Variants in SLC23A2 observed in about 807,000 individuals in gnomAD.
The protein encoded by SLC23A2 is Na(+)/L-ascorbic acid transporter 2.
In SLC23A2, 36 loss-of-function variants were observed where a neutral mutation model predicts 73.3. The observed-to-expected ratio is 0.49, with a 90% CI of 0.38 to 0.65. The LOEUF is 0.65. Among genes scored for constraint, SLC23A2 ranks in the 30% least tolerant of loss-of-function variants. The pLI is 0.00. For synonymous variants in SLC23A2, 343 were observed against 327.3 expected (o/e 1.05, Z -0.52); for missense variants, 507 against 841.6 (o/e 0.60, Z 4.92).
intron 6 of SLC23A2, among the ~76,000 whole-genome samples, chr20:4,893,886 A>G (rs1423983457): frequency 6.6e-6 from 1 of 152,144 alleles, no homozygotes; most frequent in Non-Finnish European, 1.5e-5. Context: ...CAGATGCCGT[A>G]AGACTCTCCT....
intron 4 of SLC23A2, among the ~76,000 whole-genome samples, chr20:4,908,695 G>A (rs1051672645): frequency 6.6e-6 from 1 of 152,156 alleles, no homozygotes; most frequent in Non-Finnish European, 1.5e-5. Flanking sequence ...TTGGGAGGCC[G>A]AAGCAGGTAG....
intron 3 of SLC23A2, among the ~76,000 whole-genome samples, chr20:4,927,121 C>A (rs781261370): frequency 2.0e-5 from 3 of 152,074 alleles, no homozygotes; most frequent in Non-Finnish European, 1.5e-5. Context: ...GGGCTAGCCA[C>A]TAGCCACGTG....
At chr20:4,859,725 G>C (rs1201304591) in intron 15 of SLC23A2, among the ~76,000 whole-genome samples, 1 of 152,142 alleles carries the variant, frequency 6.6e-6, no homozygotes, top group Non-Finnish European at 1.5e-5. Flanking sequence ...AAAAATGGTA[G>C]TCATAAGGCT....
At chr20:4,960,223 C>A (rs913083689) in intron 2 of SLC23A2, among the ~76,000 whole-genome samples, 2 of 152,222 alleles carry the variant, frequency 1.3e-5, no homozygotes, top group South Asian at 2.1e-4. Flanking sequence ...ATTTCACATT[C>A]ATCAGATAAG....
chr20:5,003,098 A>C (rs1459286930), upstream of SLC23A2, among the ~76,000 whole-genome samples: 1 of 152,178 alleles, frequency 6.6e-6, no homozygotes, highest in Non-Finnish European at 1.5e-5. Flanking sequence ...AAAAACAAAG[A>C]TGCGGCCGGG....
chr20:5,009,823 C>T (rs183241744), intron 1 of SLC23A2, among the ~76,000 whole-genome samples: 2 of 152,130 alleles, frequency 1.3e-5, no homozygotes, highest in Non-Finnish European at 2.9e-5. Flanking sequence ...GGGCCAGGCG[C>T]GGTGGCTCAC....
intron 1 of SLC23A2, among the ~76,000 whole-genome samples, chr20:5,007,874 T>C (rs954562653): frequency 6.6e-6 from 1 of 152,204 alleles, no homozygotes; most frequent in Non-Finnish European, 1.5e-5. Context: ...ATTTCATTCC[T>C]TTTTTCATTG....
chr20:4,889,733 T>G (rs1931251479), intron 6 of SLC23A2, among the ~76,000 whole-genome samples: 1 of 151,932 alleles, frequency 6.6e-6, no homozygotes, highest in South Asian at 2.1e-4. Context: ...CATCCCCCGA[T>G]ACTAGGAAGT....
intron 13 of SLC23A2, among the ~76,000 whole-genome samples, chr20:4,866,826 T>C (rs764228270): frequency 5.9e-5 from 9 of 152,170 alleles, no homozygotes; most frequent in Non-Finnish European, 1.0e-4. Context: ...GGTCAACCAG[T>C]TCTAGAAGGT....
At chr20:4,870,267 A>G (rs1378940040) in intron 11 of SLC23A2, among the ~76,000 whole-genome samples, 1 of 152,200 alleles carries the variant, frequency 6.6e-6, no homozygotes, top group Non-Finnish European at 1.5e-5. Flanking sequence ...ACTGATGTGC[A>G]CTGTGTCTTT....
In SLC23A2 at chr20:4,869,992, G is replaced by A. The variant is rs147469332; in HGVS notation, c.1164C>T (p.Val388=). The part of the protein sequence containing the change: ...AGVIGMLSAV[V]ASIIESIGDY... The stretch of plus-strand genomic sequence containing the variant: ...CACCAATAGACTCGATGATGCTGGC[G>A]ACCACGGCACTGAGCATGCCGATGA... Residue 388 remains valine, a synonymous_variant, in exon 12 of 17, where the codon GTC becomes GTT. Coordinates refer to ENST00000338244, the MANE Select transcript of SLC23A2 (RefSeq NM_005116.6). 7.4e-6 allele frequency: 12 copies of A among 1,613,808 alleles called. No homozygotes were observed. The East Asian group carries it at 8.9e-5, about 12-fold the overall frequency.
intron 1 of SLC23A2, among the ~76,000 whole-genome samples, chr20:4,999,526 T>C (rs1418805420): frequency 1.3e-5 from 2 of 151,624 alleles, no homozygotes; most frequent in African/African-American, 4.8e-5. Flanking sequence ...CAGGTACTGG[T>C]TTTTTTTAAG....
intron 6 of SLC23A2, among the ~76,000 whole-genome samples, chr20:4,892,946 A>G (rs766782834): frequency 1.5e-4 from 23 of 152,258 alleles, no homozygotes; most frequent in Middle Eastern, 3.4e-3. Flanking sequence ...TGCATATGAG[A>G]TGATGAAACA....
chr20:4,980,821 C>A (rs940208228), intron 1 of SLC23A2, among the ~76,000 whole-genome samples: 2 of 152,044 alleles, frequency 1.3e-5, no homozygotes. Flanking sequence ...TGTGAGCCAC[C>A]GCGCCCAGCC....
At chr20:4,990,625 G>A (rs1300758244) in intron 1 of SLC23A2, among the ~76,000 whole-genome samples, 3 of 147,248 alleles carry the variant, frequency 2.0e-5, no homozygotes, top group Non-Finnish European at 4.5e-5. Context: ...CACCCACCTC[G>A]GCCTCCCAAA....
At chr20:5,005,251 T>G (rs920940701), upstream of SLC23A2, among the ~76,000 whole-genome samples, 1 of 152,048 alleles carries the variant, frequency 6.6e-6, no homozygotes, top group African/African-American at 2.4e-5. Flanking sequence ...TGCATGAATA[T>G]GTAGGTGTTC....
rs555443008 is a variant in SLC23A2 at position 4,884,374 on chromosome 20, A to G, written c.642+379T>C. Among the ~76,000 whole-genome samples the G allele has an allele frequency of 1.7e-3, 255 of 152,352 alleles. 1 individual carries two copies. The highest frequency in any genetic ancestry group is 3.0e-3 in the Non-Finnish European group (206 of 68,032). ...TGTTCAATTGCACTTTGGCAGACAA[A>G]TATCTTTAGTTCTTTCAATGAACAC... On this transcript the variant is annotated intron_variant, in intron 8 of 16. Transcript: ENST00000338244.
intron 6 of SLC23A2, among the ~76,000 whole-genome samples, chr20:4,896,291 G>C (rs1001553411): frequency 8.5e-5 from 13 of 152,196 alleles, no homozygotes; most frequent in African/African-American, 2.9e-4. Context: ...ACGGAAGAAG[G>C]TCTGCAGACA....
At position 4,902,552 on chromosome 20, in the gene SLC23A2, G is replaced by T; in HGVS notation, c.214C>A (p.Leu72Ile). 6.3e-7 allele frequency: 1 copy of T among 1,596,094 alleles called. No homozygotes were observed. Among genetic ancestry groups the T allele is most frequent in the Non-Finnish European group, 8.6e-7 (1 of 1,166,598 alleles). Residue 72 changes from leucine to isoleucine, a missense_variant, in exon 5 of 17, where the codon CTC becomes ATC. Leu to Ile is a conservative substitution (Grantham distance 5). This residue lies in a region of SLC23A2 where 78 missense variants were observed against 86.7 expected (regional missense o/e 0.90). Coordinates refer to ENST00000338244, the MANE Select transcript of SLC23A2 (RefSeq NM_005116.6). This position sits in a 1 kb window ranked among gnomAD's most constrained non-coding sequence, Gnocchi z 4.0. ...CCAGTGCTATCCAGGGTCTCAGCGA[G>T]AGAGCTCTGCGAGCCAGAAGGAGAA... ...TENGIAEKSSLAETLDSTGSL... is the reference protein window; with the variant it reads ...TENGIAEKSSIAETLDSTGSL...
Sources: allele counts gnomAD v4.1 joint callset (sites outside exome capture counted in the v4.1 genomes callset), GRCh38; gene constraint gnomAD v4.1.1; regional missense constraint gnomAD v4.1.1; non-coding constraint Gnocchi (gnomAD v3.1); transcripts MANE v1.5; gene names NCBI Gene and HGNC (gene_info 2026-07-23, HGNC 2026-07-21).